RASAL1: variants seen among roughly 807,000 people sequenced by gnomAD.
RASAL1 encodes rasGAP-activating-like protein 1.
A neutral mutation model predicts 96.6 loss-of-function variants in RASAL1; 72 were observed. That is an observed-to-expected ratio of 0.75 (90% CI 0.62 to 0.91). RASAL1 has a LOEUF of 0.91. Ranked by LOEUF, RASAL1 falls within the 40% of genes least tolerant of loss-of-function variation. The pLI, the probability that RASAL1 is intolerant of heterozygous loss-of-function variation, is 0.00. For synonymous variants in RASAL1, 405 were observed against 430.4 expected (o/e 0.94, Z 0.73); for missense variants, 1,016 against 1,072.5 (o/e 0.95, Z 0.74).
At chr12:113,107,359 A>G in intron 14 of RASAL1, 118 bp from the exon 15 acceptor site, 3 of 1,234,342 alleles carry the variant, frequency 2.4e-6, no homozygotes, top group Non-Finnish European at 3.3e-6. Flanking sequence ...ACAGTGGCTC[A>G]TGCCTGTAAT....
At chr12:113,101,834 G>C (rs888689300) in intron 19 of RASAL1, 55 bp downstream of exon 19, 2 of 1,582,410 alleles carry the variant, frequency 1.3e-6, no homozygotes, top group Admixed American at 1.8e-5. Context: ...GGCCACGGTG[G>C]GGGGCTGGCC....
Position 113,135,630 on chromosome 12 carries a change from G to T in RASAL1, c.-168C>A. 1 of 622,746 alleles carries T rather than the reference G, an allele frequency of 1.6e-6. No individual in the cohort carries two copies. The allele number at this position is 622,746 out of a possible 1,614,324, so 38.6% of individuals were successfully genotyped here. On this transcript the variant is annotated 5_prime_UTR_variant, in exon 1 of 21. Transcript: ENST00000548055. The surrounding 1 kb of genome is among the most constrained non-coding windows in gnomAD (Gnocchi z 5.7). ...TGGGAGATTTCCGAAAGAGGAGAAGGTGTAGGTGCCCGGGGAGGGAGCGCC... is the reference window on the plus strand; with the variant it reads ...TGGGAGATTTCCGAAAGAGGAGAAGTTGTAGGTGCCCGGGGAGGGAGCGCC...
At chr12:113,102,134 G>T in intron 18 of RASAL1, 125 bp from the exon 19 acceptor site, 1 of 1,185,022 alleles carries the variant, frequency 8.4e-7, no homozygotes, top group Non-Finnish European at 1.2e-6. Context: ...ACTACTTCTA[G>T]GCCACACACG....
At position 113,135,384 on chromosome 12, in the gene RASAL1, C is replaced by T. The variant is rs982180367; in HGVS notation, c.65+14G>A. 27 of 1,604,284 alleles carry T rather than the reference C, an allele frequency of 1.7e-5. No individual in the cohort carries two copies. The highest frequency in any genetic ancestry group is 3.4e-5 in the Admixed American group (2 of 59,190). ...TGCGCGCCCCTCACCCAGAAGCGCC[C>T]GAGGAGTACTCACACGTCCTTGGCA... is the stretch of plus-strand genomic sequence containing the variant. On this transcript the variant is annotated intron_variant, in intron 1 of 20. Transcript: ENST00000548055. The surrounding 1 kb of genome is among the most constrained non-coding windows in gnomAD (Gnocchi z 5.7).
In RASAL1 at chr12:113,108,104, G is replaced by A; in HGVS notation, c.1493C>T (p.Ser498Leu). ...DQHADPQTSRSLLLLAKAVQS... is the reference protein window; with the variant it reads ...DQHADPQTSRLLLLLAKAVQS... ...TGGCACCTTGGCAAGCAACAGCAGT[G>A]AGCGGCTAGTCTGGGGGTCCGCGTG... Residue 498 changes from serine (S) to leucine (L), a missense_variant, in exon 14 of 21, where the codon TCA (serine) becomes TTA (leucine). Ser to Leu is a moderately radical substitution (Grantham distance 145). Coordinates refer to ENST00000548055, the MANE Select transcript of RASAL1 (RefSeq NM_001301202.2). The A allele has an allele frequency of 6.2e-7, 1 of 1,612,916 alleles. No individual in the cohort carries two copies. The highest frequency in any genetic ancestry group is 8.5e-7 in the Non-Finnish European group (1 of 1,179,520).
chr12:113,104,473 C>A (rs1411015539), intron 16 of RASAL1, among the ~76,000 whole-genome samples, 175 bp from the exon 17 acceptor site: 1 of 152,070 alleles, frequency 6.6e-6, no homozygotes, highest in Non-Finnish European at 1.5e-5. Flanking sequence ...TTCCATGAGT[C>A]CTGCCCTATC....
At chr12:113,111,758 T>C (rs1672218500) in intron 13 of RASAL1, among the ~76,000 whole-genome samples, 1 of 151,980 alleles carries the variant, frequency 6.6e-6, no homozygotes, top group Non-Finnish European at 1.5e-5. Context: ...CATGCCCAGT[T>C]AATTTTTGTA....
At position 113,105,891 on chromosome 12, in the gene RASAL1, G is replaced by A. The variant is rs1281614200; in HGVS notation, c.1658-5C>T. 11 of 1,611,652 alleles carry A rather than the reference G, an allele frequency of 6.8e-6. No homozygotes were observed. Among genetic ancestry groups the A allele is most frequent in the Non-Finnish European group, 8.5e-6 (10 of 1,178,822 alleles). On this transcript the variant is annotated splice_region_variant and splice_polypyrimidine_tract_variant and intron_variant, in intron 15 of 20. Transcript: ENST00000548055. ...CCCTGGCTGGGACACCAGCTTCTAG[G>A]AGATGGGAGAAGAGAGCGGTGGACA...
rs780843452 is a variant in RASAL1 at position 113,105,838 on chromosome 12, C to T, written c.1706G>A (p.Arg569Gln). 1.4e-5 allele frequency: 22 copies of T among 1,613,968 alleles called. No homozygotes were observed. The highest frequency in any genetic ancestry group is 4.5e-5 in the East Asian group (2 of 44,904). The change falls in exon 16 of 21, where the codon CGA becomes CAA. Residue 569 changes from arginine (R) to glutamine (Q), a missense_variant. Coordinates refer to ENST00000548055, the MANE Select transcript of RASAL1 (RefSeq NM_001301202.2). ...CTTGCGCTTCAGCAGATAGCCTTCT[C>T]GAACAATGGCCGAGGGCGGGAACAG... The part of the protein sequence containing the change: ...RALFPPSAIV[R>Q]EGYLLKRKEE...
chr12:113,107,180 G>A lies in RASAL1; in HGVS notation c.1574C>T (p.Ala525Val). The A allele has an allele frequency of 3.1e-6, 5 of 1,613,692 alleles. No homozygotes were observed. The highest frequency in any genetic ancestry group is 4.2e-6 in the Non-Finnish European group (5 of 1,179,732). The change falls in exon 15 of 21, where the codon GCC becomes GTC. Residue 525 changes from alanine to valine, a missense_variant. Ala to Val is a moderately conservative substitution (Grantham distance 64). Transcript: ENST00000548055. ...CTGCAGCAGGAAGGGGTGCAGGGGG[G>A]CCATCCACAGTTCCTTGCCTTGGCC... is the stretch of plus-strand genomic sequence containing the variant. ...QLGQGKELWM[A>V]PLHPFLLQCV...
chr12:113,114,229 T>G (rs1479843684), intron 12 of RASAL1, among the ~76,000 whole-genome samples: 2 of 152,064 alleles, frequency 1.3e-5, no homozygotes, highest in African/African-American at 4.8e-5. Context: ...TCCCAGCACT[T>G]CGGGAGACCA....
chr12:113,127,060 A>G (rs956713559), intron 4 of RASAL1, among the ~76,000 whole-genome samples: 1 of 150,990 alleles, frequency 6.6e-6, no homozygotes, highest in Non-Finnish European at 1.5e-5. Flanking sequence ...TTATTTTTAA[A>G]TTATTTTTAG....
At chr12:113,134,243 G>T (rs552548430) in intron 1 of RASAL1, among the ~76,000 whole-genome samples, 7 of 152,318 alleles carry the variant, frequency 4.6e-5, no homozygotes, top group African/African-American at 1.7e-4. Flanking sequence ...ATGAAGGGTG[G>T]CAAAAATTGC....
At chr12:113,133,968 T>C (rs1301457071) in intron 1 of RASAL1, among the ~76,000 whole-genome samples, 1 of 152,170 alleles carries the variant, frequency 6.6e-6, no homozygotes, top group Non-Finnish European at 1.5e-5. Context: ...CGCCCCCTCA[T>C]GACCTCTCAC....
At position 113,116,123 on chromosome 12, in the gene RASAL1, A is replaced by G; in HGVS notation, c.732-72T>C. 3 of 1,340,076 alleles carry G rather than the reference A, an allele frequency of 2.2e-6. No individual in the cohort carries two copies. In the South Asian group the frequency reaches 4.5e-5, roughly 20 times the overall value. The allele number at this position is 1,340,076 out of a possible 1,614,324, so 83.0% of individuals were successfully genotyped here. A position where few individuals can be genotyped will look rare whatever the true frequency, so the allele number is the denominator to read the frequency against. On this transcript the variant is annotated intron_variant, in intron 8 of 20. Coordinates refer to ENST00000548055, the MANE Select transcript of RASAL1 (RefSeq NM_001301202.2). ...GATGGCTCACGCCTGTAATCCCAGC[A>G]TTTTGGGAGGCCAAGGTGGGCAGAT... is the stretch of plus-strand genomic sequence containing the variant.
chr12:113,121,438 A>T, intron 5 of RASAL1, 71 bp downstream of exon 5: 1 of 1,595,598 alleles, frequency 6.3e-7, no homozygotes, highest in Non-Finnish European at 8.6e-7. Context: ...AACGCCAGGC[A>T]GCAGGGGAGA....
At chr12:113,103,904 G>A (rs1188602158) in intron 18 of RASAL1, 42 bp downstream of exon 18, 2 of 1,542,344 alleles carry the variant, frequency 1.3e-6, no homozygotes, top group East Asian at 2.4e-5. Context: ...GCTGATTGAC[G>A]GGTGGGGAGG....
Position 113,112,081 on chromosome 12 carries a change from C to A in RASAL1, c.1374+5G>T, listed in dbSNP as rs1313364352. ...CCCCAGCCTCAGCCTCCCATCCTGG[C>A]GCACCTGGTGCTCGGCCTGGGGGAA... On this transcript the variant is annotated splice_donor_5th_base_variant and intron_variant, in intron 13 of 20. Coordinates refer to ENST00000548055, the MANE Select transcript of RASAL1 (RefSeq NM_001301202.2). The A allele has an allele frequency of 8.1e-7, 1 of 1,239,158 alleles. No homozygotes were observed. Among genetic ancestry groups the A allele is most frequent in the Non-Finnish European group, 1.0e-6 (1 of 989,158 alleles). The allele number at this position is 1,239,158 out of a possible 1,614,324, so 76.8% of individuals were successfully genotyped here. A position where few individuals can be genotyped will look rare whatever the true frequency, so the allele number is the denominator to read the frequency against.
At chr12:113,133,620 C>T (rs879350927) in intron 1 of RASAL1, among the ~76,000 whole-genome samples, 1 of 152,196 alleles carries the variant, frequency 6.6e-6, no homozygotes, top group Non-Finnish European at 1.5e-5. Context: ...AGAATCTGGG[C>T]CCTTTCCCTT....
Sources: gnomAD v4.1 joint callset for allele counts (sites outside exome capture counted in the v4.1 genomes callset) on GRCh38, gnomAD v4.1.1 for gene constraint, Gnocchi (gnomAD v3.1) non-coding constraint, MANE v1.5 for transcripts, NCBI Gene and HGNC (gene_info 2026-07-23, HGNC 2026-07-21) for gene names.